RAPGEF4: variants seen among roughly 807,000 people sequenced by gnomAD.
The protein encoded by RAPGEF4 is Rap guanine nucleotide exchange factor 4.
Under a neutral mutation model 147.9 loss-of-function variants are expected in RAPGEF4, and 66 were observed. The observed-to-expected ratio is 0.45, with a 90% CI of 0.37 to 0.55. The LOEUF is 0.55. Among genes scored for constraint, RAPGEF4 ranks in the 20% least tolerant of loss-of-function variants. The pLI, the probability that RAPGEF4 is intolerant of heterozygous loss-of-function variation, is 0.00. For synonymous variants in RAPGEF4, 419 were observed against 442.7 expected, an observed-to-expected ratio of 0.95 and a Z score of 0.67; for missense variants, 1,071 against 1,257.3, an observed-to-expected ratio of 0.85 and a Z score of 2.24.
At chr2:172,758,418 TG>T (rs1695983098) in intron 1 of RAPGEF4, among the ~76,000 whole-genome samples, 1 of 152,322 alleles carries the variant, frequency 6.6e-6, no homozygotes, top group Admixed American at 6.5e-5. Context: ...TGATATAATC[TG>T]GCTTACATTT....
At chr2:172,745,994 A>C (rs960333518) in intron 1 of RAPGEF4, among the ~76,000 whole-genome samples, 3 of 152,352 alleles carry the variant, frequency 2.0e-5, no homozygotes, top group Non-Finnish European at 4.4e-5. Context: ...GATTTAATCC[A>C]AGGAAAGATT....
intron 4 of RAPGEF4, among the ~76,000 whole-genome samples, chr2:172,817,891 T>C (rs959183623): frequency 5.1e-5 from 7 of 138,064 alleles, no homozygotes; most frequent in African/African-American, 1.9e-4. Context: ...TATATATATA[T>C]ATATATCACA....
chr2:172,818,229 C>CCAAGGGGAG (rs1688708249), intron 4 of RAPGEF4, among the ~76,000 whole-genome samples: 1 of 151,932 alleles, frequency 6.6e-6, no homozygotes. Flanking sequence ...CCATTGGGTA[C>CCAAGGGGAG]AGAGTACACT....
At chr2:173,023,310 G>A (rs16861187) in intron 23 of RAPGEF4, among the ~76,000 whole-genome samples, 5,916 of 152,242 alleles carry the variant, frequency 0.039, 151 homozygotes, top group South Asian at 0.078. Flanking sequence ...CTCAAAAACC[G>A]TGGGGAGAAA....
intron 1 of RAPGEF4, among the ~76,000 whole-genome samples, chr2:172,793,634 G>A (rs1686048032): frequency 6.6e-6 from 1 of 152,206 alleles, no homozygotes; most frequent in African/African-American, 2.4e-5. Flanking sequence ...ATCAAGAACA[G>A]CAGTGGGTTC....
intron 1 of RAPGEF4, among the ~76,000 whole-genome samples, chr2:172,773,215 T>TA (rs1683807538): frequency 6.6e-6 from 1 of 152,152 alleles, no homozygotes; most frequent in Non-Finnish European, 1.5e-5. Flanking sequence ...GTTAGTGTTG[T>TA]AAACAAATAA....
chr2:172,875,577 G>C (rs958664231), intron 4 of RAPGEF4, among the ~76,000 whole-genome samples: 1 of 151,902 alleles, frequency 6.6e-6, no homozygotes, highest in Non-Finnish European at 1.5e-5. Context: ...GTATTATTTC[G>C]GAGGGCTCTG....
At chr2:173,041,997 C>T (rs530058337) in intron 29 of RAPGEF4, among the ~76,000 whole-genome samples, 10 of 152,236 alleles carry the variant, frequency 6.6e-5, no homozygotes, top group East Asian at 3.9e-4. Flanking sequence ...GCCTGACCTC[C>T]GTGTAACACC....
intron 4 of RAPGEF4, among the ~76,000 whole-genome samples, chr2:172,872,018 G>A (rs1695303567): frequency 6.6e-6 from 1 of 152,156 alleles, no homozygotes; most frequent in East Asian, 1.9e-4. Flanking sequence ...TTTGATGTGG[G>A]ATTAAGAGAT....
chr2:172,994,543 C>A (rs946008090), intron 15 of RAPGEF4, among the ~76,000 whole-genome samples: 1 of 152,196 alleles, frequency 6.6e-6, no homozygotes, highest in African/African-American at 2.4e-5. Context: ...AACAGGACGA[C>A]CTTATTCAGT....
intron 10 of RAPGEF4, among the ~76,000 whole-genome samples, chr2:172,978,202 C>G (rs1056420226): frequency 3.3e-5 from 5 of 151,786 alleles, no homozygotes; most frequent in Admixed American, 3.3e-4. Flanking sequence ...GGTCACACCC[C>G]CCCCAGAGCT....
intron 29 of RAPGEF4, among the ~76,000 whole-genome samples, chr2:173,047,023 A>G (rs1289565921): frequency 2.6e-5 from 4 of 152,220 alleles, no homozygotes; most frequent in East Asian, 3.8e-4. Context: ...CTAGAATTAC[A>G]TAGCTGCTCA....
intron 6 of RAPGEF4, among the ~76,000 whole-genome samples, chr2:172,925,777 A>AAGAGAGAGAGAGAGAGAGAGAG (rs67773579): frequency 1.7e-3 from 232 of 133,866 alleles, no homozygotes; most frequent in Non-Finnish European, 2.6e-3. Flanking sequence ...GAAAGAAAGA[A>AAGAGAGAGAGAGAGAGAGAGAG]AGAGAGAGAG....
chr2:172,844,387 C>T (rs1691948588), intron 4 of RAPGEF4, among the ~76,000 whole-genome samples: 1 of 152,122 alleles, frequency 6.6e-6, no homozygotes, highest in East Asian at 1.9e-4. Context: ...GTGAGGCACT[C>T]GGGAAATAAA....
intron 4 of RAPGEF4, among the ~76,000 whole-genome samples, chr2:172,841,759 A>G (rs889538195): frequency 6.6e-6 from 1 of 150,636 alleles, no homozygotes; most frequent in Non-Finnish European, 1.5e-5. Context: ...CAATTCCCCA[A>G]ACAGACATCC....
upstream of RAPGEF4, among the ~76,000 whole-genome samples, chr2:172,735,637 A>G (rs1693675963): frequency 6.6e-6 from 1 of 151,494 alleles, no homozygotes; most frequent in Non-Finnish European, 1.5e-5. Context: ...CACCTGTCGC[A>G]GGTGGCCGGC....
At chr2:172,874,101 G>A (rs1359667972) in intron 4 of RAPGEF4, among the ~76,000 whole-genome samples, 7 of 152,184 alleles carry the variant, frequency 4.6e-5, no homozygotes, top group Non-Finnish European at 1.0e-4. Flanking sequence ...CTGTTGGTGG[G>A]AGTATAAATT....
chr2:172,744,821 T>A (rs1694630677), intron 1 of RAPGEF4, among the ~76,000 whole-genome samples: 1 of 152,206 alleles, frequency 6.6e-6, no homozygotes, highest in South Asian at 2.1e-4. Flanking sequence ...GTAGTTGTTT[T>A]TTTTTAGCAA....
chr2:172,879,506 T>G (rs1172126919), intron 4 of RAPGEF4, among the ~76,000 whole-genome samples: 1 of 152,154 alleles, frequency 6.6e-6, no homozygotes, highest in Non-Finnish European at 1.5e-5. Flanking sequence ...TCTACGTACT[T>G]CTGACCTTTG....
Sources: gnomAD v4.1 joint callset for allele counts (sites outside exome capture counted in the v4.1 genomes callset) on GRCh38, gnomAD v4.1.1 for gene constraint, MANE v1.5 for transcripts, NCBI Gene and HGNC (gene_info 2026-07-23, HGNC 2026-07-21) for gene names.